TRIM13: variants seen among roughly 807,000 people sequenced by gnomAD.
TRIM13 encodes the protein E3 ubiquitin-protein ligase TRIM13.
In TRIM13, 15 loss-of-function variants were observed where a neutral mutation model predicts 27.1. The observed-to-expected ratio is 0.55, with a 90% CI of 0.37 to 0.85. TRIM13 has a LOEUF of 0.85. Ranked by LOEUF, TRIM13 falls within the 40% of genes least tolerant of loss-of-function variation. The probability of loss-of-function intolerance (pLI) is 0.00; values close to 1 mark genes in which losing one functional copy is unlikely to be tolerated. For missense variants in TRIM13, 402 were observed against 472.2 expected (o/e 0.85, Z 1.38); for synonymous variants, 193 against 171.5 (o/e 1.13, Z -0.98).
chr13:49,997,643 G>C lies in TRIM13; in HGVS notation c.-127G>C, dbSNP rs531073817. On this transcript the variant is annotated 5_prime_UTR_variant, in exon 1 of 2. Transcript: ENST00000378182. ...CTGTGCAAATAAATGCGTTAATACTGTTCTTTTTCTTCTTTCTTTGCAGTA... is the reference window on the plus strand; with the variant it reads ...CTGTGCAAATAAATGCGTTAATACTCTTCTTTTTCTTCTTTCTTTGCAGTA... 24 of 152,224 alleles carry C rather than the reference G, an allele frequency of 1.6e-4. No individual in the cohort carries two copies. The highest frequency in any genetic ancestry group is 5.1e-4 in the African/African-American group (21 of 41,518). The allele number at this position is 152,224 out of a possible 1,614,324, so 9.4% of individuals were successfully genotyped here. A position where few individuals can be genotyped will look rare whatever the true frequency, so the allele number is the denominator to read the frequency against.
rs1038520477 is a variant in TRIM13, at chr13:50,013,936, A to G, written c.*772A>G. The stretch of plus-strand genomic sequence containing the variant: ...CACACACACGCGTGTGTGGGAGACA[A>G]CTAAAGGTATTGAAGGTACTAATTA... On this transcript the variant is annotated 3_prime_UTR_variant, in exon 2 of 2. Coordinates refer to ENST00000378182, the MANE Select transcript of TRIM13 (RefSeq NM_213590.3). 6.0e-6 allele frequency: 1 copy of G among 166,870 alleles called. No homozygotes were observed. The highest frequency in any genetic ancestry group is 2.4e-5 in the African/African-American group (1 of 41,374). 10.3% of individuals were successfully genotyped at this position (166,870 alleles called of 1,614,324 possible). A position where few individuals can be genotyped will look rare whatever the true frequency, so the allele number is the denominator to read the frequency against.
chr13:50,012,482 A>C lies in TRIM13; in HGVS notation c.542A>C (p.Lys181Thr), dbSNP rs751039054. Reference protein sequence around the residue: ...SLQLLTKDSDKVKEFFEKLQH... With the variant: ...SLQLLTKDSDTVKEFFEKLQH... ...CAGTTACTGACTAAAGATTCAGATAAAGTGAAGGAATTTTTTGAGAAGTTA... is the reference window on the plus strand; with the variant it reads ...CAGTTACTGACTAAAGATTCAGATACAGTGAAGGAATTTTTTGAGAAGTTA... The change falls in exon 2 of 2, where the codon AAA (lysine) becomes ACA (threonine). Residue 181 changes from lysine to threonine, a missense_variant. Coordinates refer to ENST00000378182, the MANE Select transcript of TRIM13 (RefSeq NM_213590.3). 6.2e-7 allele frequency: 1 copy of C among 1,614,048 alleles called. No individual in the cohort carries two copies. Among genetic ancestry groups the C allele is most frequent in the Non-Finnish European group, 8.5e-7 (1 of 1,179,968 alleles).
chr13:49,999,774 A>C (rs932686456), intron 1 of TRIM13, among the ~76,000 whole-genome samples: 17 of 152,198 alleles, frequency 1.1e-4, no homozygotes, highest in African/African-American at 4.1e-4. Flanking sequence ...GAGCCTGTTA[A>C]ACCTAGTTTG....
rs971899616 is a variant in TRIM13 at position 50,012,940 on chromosome 13, A to G, written c.1000A>G (p.Met334Val). 3.7e-6 allele frequency: 6 copies of G among 1,613,842 alleles called. No homozygotes were observed. The highest frequency in any genetic ancestry group is 3.3e-5 in the South Asian group (3 of 91,080). Residue 334 changes from methionine to valine, a missense_variant, in exon 2 of 2, where the codon ATG (methionine) becomes GTG (valine). This residue lies in a region of TRIM13 where 200 missense variants were observed against 194.7 expected (regional missense o/e 1.03). Transcript: ENST00000378182. The stretch of plus-strand genomic sequence containing the variant: ...CCTTGTCATTGTCTTTGGTCCTACC[A>G]TGTTCCTAGAATGGTCATTATTTGA... ...LGLVIVFGPT[M>V]FLEWSLFDDL...
intron 1 of TRIM13, among the ~76,000 whole-genome samples, chr13:50,005,990 C>T (rs983355330): frequency 6.6e-6 from 1 of 151,934 alleles, no homozygotes; most frequent in Non-Finnish European, 1.5e-5. Context: ...GCTGGGATTA[C>T]AGGCGTAAAC....
intron 1 of TRIM13, among the ~76,000 whole-genome samples, chr13:50,006,614 A>G (rs1874740743): frequency 6.6e-6 from 1 of 152,130 alleles, no homozygotes; most frequent in Non-Finnish European, 1.5e-5. Flanking sequence ...CAGATCATCA[A>G]AAGTTTGACT....
chr13:50,017,954 G>A lies in TRIM13; in HGVS notation c.*4790G>A, dbSNP rs1277530262. The A allele has an allele frequency of 6.0e-6, 1 of 166,930 alleles. No individual in the cohort carries two copies. The highest frequency in any genetic ancestry group is 1.5e-5 in the Non-Finnish European group (1 of 68,084). The allele number at this position is 166,930 out of a possible 1,614,324, so 10.3% of individuals were successfully genotyped here. ...TTTACCCCTCAAGGTTAACCTAGCA[G>A]GTTGCTCAGTTATTATCTCTCAAGG... is the stretch of plus-strand genomic sequence containing the variant. On this transcript the variant is annotated 3_prime_UTR_variant, in exon 2 of 2. Transcript: ENST00000378182.
chr13:50,011,796 A>T, intron 1 of TRIM13, 139 bp from the exon 2 acceptor site: 1 of 1,053,816 alleles, frequency 9.5e-7, no homozygotes, highest in Non-Finnish European at 1.3e-6. Context: ...GCATTCCCTT[A>T]CCAAATTTCT....
At chr13:49,998,347 C>G (rs1449197831) in intron 1 of TRIM13, among the ~76,000 whole-genome samples, 4 of 152,134 alleles carry the variant, frequency 2.6e-5, no homozygotes, top group Non-Finnish European at 5.9e-5. Flanking sequence ...GGTTATCTGG[C>G]CTTAATTCTG....
chr13:50,015,348 A>T lies in TRIM13; in HGVS notation c.*2184A>T. ...GCCATGGATACACTATTTACCTTAC[A>T]GTAGTTTCCTGGGAATCTAAGTCTG... On this transcript the variant is annotated 3_prime_UTR_variant, in exon 2 of 2. Coordinates refer to ENST00000378182, the MANE Select transcript of TRIM13 (RefSeq NM_213590.3). 1.5e-6 allele frequency: 1 copy of T among 663,610 alleles called. No individual in the cohort carries two copies. The highest frequency in any genetic ancestry group is 2.0e-5 in the South Asian group (1 of 49,516). The allele number at this position is 663,610 out of a possible 1,614,324, so 41.1% of individuals were successfully genotyped here.
intron 1 of TRIM13, among the ~76,000 whole-genome samples, chr13:50,008,225 T>C (rs1249498190): frequency 6.6e-6 from 1 of 152,176 alleles, no homozygotes; most frequent in African/African-American, 2.4e-5. Context: ...CTTTTTATCA[T>C]AGATGGCCTA....
rs200260743 is a variant in TRIM13 at position 50,011,915 on chromosome 13, A to T, written c.-6-20A>T. 14,845 of 1,157,758 alleles carry T rather than the reference A, an allele frequency of 0.013. 54 individuals are homozygous for T. Among genetic ancestry groups the T allele is most frequent in the Non-Finnish European group, 0.013 (10,941 of 840,580 alleles). The allele number at this position is 1,157,758 out of a possible 1,614,324, so 71.7% of individuals were successfully genotyped here. ...TGGTGACGGTTATTGGAGTAAAATA[A>T]TTTTTTTTTTTTCTGGTAGGATGTG... On this transcript the variant is annotated intron_variant, in intron 1 of 1. Coordinates refer to ENST00000378182, the MANE Select transcript of TRIM13 (RefSeq NM_213590.3).
At position 50,012,922 on chromosome 13, in the gene TRIM13, A is replaced by G; in HGVS notation, c.982A>G (p.Ile328Val). The change falls in exon 2 of 2, where the codon ATT (isoleucine) becomes GTT (valine). Residue 328 changes from isoleucine (I) to valine (V), a missense_variant. Ile to Val is a conservative substitution (Grantham distance 29). Coordinates refer to ENST00000378182, the MANE Select transcript of TRIM13 (RefSeq NM_213590.3). Reference sequence around the variant, plus strand: ...GCTAATCCTTCTGCTTGGCCTTGTCATTGTCTTTGGTCCTACCATGTTCCT... The same window carrying G: ...GCTAATCCTTCTGCTTGGCCTTGTCGTTGTCTTTGGTCCTACCATGTTCCT... Reference protein sequence around the residue: ...FLLILLLGLVIVFGPTMFLEW... With the variant: ...FLLILLLGLVVVFGPTMFLEW... 6.2e-7 allele frequency: 1 copy of G among 1,613,790 alleles called. No individual in the cohort carries two copies. The highest frequency in any genetic ancestry group is 8.5e-7 in the Non-Finnish European group (1 of 1,179,958).
At chr13:50,001,401 A>G (rs1336908152) in intron 1 of TRIM13, among the ~76,000 whole-genome samples, 2 of 152,148 alleles carry the variant, frequency 1.3e-5, no homozygotes, top group African/African-American at 4.8e-5. Flanking sequence ...TAGCGAGGTA[A>G]TGAGTGACCT....
chr13:50,004,436 G>C (rs1874416187), intron 1 of TRIM13, among the ~76,000 whole-genome samples: 2 of 152,080 alleles, frequency 1.3e-5, no homozygotes, highest in Non-Finnish European at 2.9e-5. Flanking sequence ...CTGCATTCCA[G>C]CCTGGGCAAC....
At chr13:50,009,494 TG>T (rs1875270099) in intron 1 of TRIM13, among the ~76,000 whole-genome samples, 1 of 152,062 alleles carries the variant, frequency 6.6e-6, no homozygotes, top group Non-Finnish European at 1.5e-5. Flanking sequence ...CCCAGCACTT[TG>T]GGAGGCTGAG....
rs1325863920 is a variant in TRIM13 at position 50,012,241 on chromosome 13, C to A, written c.301C>A (p.Pro101Thr). Residue 101 changes from proline (P) to threonine (T), a missense_variant, in exon 2 of 2, where the codon CCT becomes ACT. Physicochemically the swap from Pro to Thr is conservative, Grantham distance 38. Around this residue, in one of 2 missense-constraint regions of TRIM13, gnomAD observed 202 missense variants for 277.5 expected, o/e 0.73. Transcript: ENST00000378182. The part of the protein sequence containing the change: ...MPVCKGHLGQ[P>T]LNIFCLTDMQ... ...AGTATGCAAAGGACACTTGGGGCAG[C>A]CTCTCAACATTTTCTGCCTGACTGA... is the stretch of plus-strand genomic sequence containing the variant. 6.2e-7 allele frequency: 1 copy of A among 1,614,094 alleles called. No individual in the cohort carries two copies. The highest frequency in any genetic ancestry group is 1.1e-5 in the South Asian group (1 of 91,074).
Position 49,997,466 on chromosome 13 carries a change from C to A in TRIM13, c.-304C>A, listed in dbSNP as rs1210582159. The A allele has an allele frequency of 1.3e-5, 2 of 152,062 alleles. No homozygotes were observed. Among genetic ancestry groups the A allele is most frequent in the African/African-American group, 4.8e-5 (2 of 41,354 alleles). The allele number at this position is 152,062 out of a possible 1,614,324, so 9.4% of individuals were successfully genotyped here. ...TGGGCCTTAGGTTACAGCGCGCCGC[C>A]AGCGTTTGGTTGCATGGCGCCGGGG... On this transcript the variant is annotated 5_prime_UTR_variant, in exon 1 of 2. Transcript: ENST00000378182.
chr13:50,005,667 T>C (rs1490605709), intron 1 of TRIM13, among the ~76,000 whole-genome samples: 1 of 146,198 alleles, frequency 6.8e-6, no homozygotes. Flanking sequence ...AGTGCAAGAC[T>C]CCATCTCTAA....
Sources: gnomAD v4.1 joint callset for allele counts (sites outside exome capture counted in the v4.1 genomes callset) on GRCh38, gnomAD v4.1.1 for gene constraint, gnomAD v4.1.1 regional missense constraint, MANE v1.5 for transcripts, NCBI Gene and HGNC (gene_info 2026-07-23, HGNC 2026-07-21) for gene names.